The following METAP1D variants were observed in gnomAD, a reference collection of about 807,000 sequenced individuals.
The protein encoded by METAP1D is methionyl aminopeptidase type 1D, mitochondrial.
Under a neutral mutation model 40.5 loss-of-function variants are expected in METAP1D, and 31 were observed. The observed-to-expected ratio is 0.77, with a 90% CI of 0.58 to 1.03. The LOEUF (loss-of-function observed/expected upper bound fraction) is 1.03. Among genes scored for constraint, METAP1D ranks in the 50% least tolerant of loss-of-function variants. The pLI, the probability that METAP1D is intolerant of heterozygous loss-of-function variation, is 0.00. For synonymous variants in METAP1D, 151 were observed against 146.4 expected (o/e 1.03, Z -0.22); for missense variants, 411 against 420.7 (o/e 0.98, Z 0.20).
chr2:172,017,636 T>G (rs907611969), intron 1 of METAP1D, among the ~76,000 whole-genome samples: 5 of 151,398 alleles, frequency 3.3e-5, no homozygotes, highest in African/African-American at 4.8e-5. Context: ...TCATGGATAG[T>G]CTTCAAAGAT....
At chr2:172,076,497 A>G (rs1013570521) in intron 6 of METAP1D, among the ~76,000 whole-genome samples, 1 of 152,220 alleles carries the variant, frequency 6.6e-6, no homozygotes, top group African/African-American at 2.4e-5. Context: ...ATAAAGTACA[A>G]CGTAAGAGAT....
chr2:172,077,401 T>G (rs1332656316), intron 6 of METAP1D, among the ~76,000 whole-genome samples: 1 of 152,220 alleles, frequency 6.6e-6, no homozygotes, highest in Non-Finnish European at 1.5e-5. Flanking sequence ...TTTATAGTCT[T>G]TTTGTGAAAC....
chr2:172,040,412 A>G (rs976214281), intron 1 of METAP1D, among the ~76,000 whole-genome samples: 2 of 152,188 alleles, frequency 1.3e-5, no homozygotes, highest in African/African-American at 2.4e-5. Context: ...TGGCATAGTG[A>G]TTTTCTTCCA....
intron 1 of METAP1D, among the ~76,000 whole-genome samples, chr2:172,045,721 G>A (rs1307885215): frequency 1.1e-5 from 1 of 90,356 alleles, no homozygotes; most frequent in African/African-American, 3.6e-5. Context: ...GTGTGTGTGT[G>A]TGTGTGTGTG....
At chr2:172,021,797 C>T (rs1327013387) in intron 1 of METAP1D, 1 of 152,154 alleles carries the variant, frequency 6.6e-6, no homozygotes, top group African/African-American at 2.4e-5. Context: ...GGCCAAACTC[C>T]CATGCAGAAT....
At chr2:172,037,419 A>G (rs961749831) in intron 1 of METAP1D, among the ~76,000 whole-genome samples, 1 of 150,692 alleles carries the variant, frequency 6.6e-6, no homozygotes, top group Admixed American at 6.7e-5. Flanking sequence ...AGAAAAAAAA[A>G]TAGTAAAGCT....
intron 1 of METAP1D, among the ~76,000 whole-genome samples, chr2:172,050,406 A>G (rs984818975): frequency 1.3e-5 from 2 of 151,930 alleles, no homozygotes; most frequent in South Asian, 2.1e-4. Context: ...TTTTTTAAGA[A>G]TTAAAGAAGG....
intron 1 of METAP1D, among the ~76,000 whole-genome samples, chr2:172,001,015 A>G (rs1469928764): frequency 6.6e-6 from 1 of 152,180 alleles, no homozygotes; most frequent in Non-Finnish European, 1.5e-5. Flanking sequence ...AAACAAAAAC[A>G]AAAACCCAGT....
In METAP1D at chr2:172,080,801, G is replaced by A. The variant is rs705869; in HGVS notation, c.*395G>A. On this transcript the variant is annotated 3_prime_UTR_variant, in exon 10 of 10. Transcript: ENST00000315796. Reference sequence around the variant, plus strand: ...GGTCCTTACCTCTCTGACAGTTACAGTGATCTTTGTATCTGAACTTTGCAC... The same window carrying A: ...GGTCCTTACCTCTCTGACAGTTACAATGATCTTTGTATCTGAACTTTGCAC... The A allele has an allele frequency of 0.82, 209,586 of 254,292 alleles. 86,478 individuals are homozygous for A. Among genetic ancestry groups the A allele is most frequent in the East Asian group, 0.89 (8,742 of 9,818 alleles). The allele number at this position is 254,292 out of a possible 1,614,324, so 15.8% of individuals were successfully genotyped here. A position where few individuals can be genotyped will look rare whatever the true frequency, so the allele number is the denominator to read the frequency against.
chr2:172,063,897 G>A lies in METAP1D; in HGVS notation c.348+37G>A, dbSNP rs1377979182. 2.0e-6 allele frequency: 3 copies of A among 1,538,256 alleles called. No individual in the cohort carries two copies. In the East Asian group the frequency reaches 7.2e-5, roughly 37 times the overall value. On this transcript the variant is annotated intron_variant, in intron 3 of 9. Coordinates refer to ENST00000315796, the MANE Select transcript of METAP1D (RefSeq NM_199227.3). ...CCAAGCCTCAGAACGACTTACATAA[G>A]GGGCAACAAACACTCCTCTTTTTTT...
intron 6 of METAP1D, among the ~76,000 whole-genome samples, chr2:172,075,051 G>A (rs1451889351): frequency 2.6e-5 from 4 of 152,144 alleles, no homozygotes; most frequent in Non-Finnish European, 4.4e-5. Flanking sequence ...GAATTAAACT[G>A]AAGAAAATGG....
intron 1 of METAP1D, among the ~76,000 whole-genome samples, chr2:172,010,913 C>T (rs1287317359): frequency 6.6e-6 from 1 of 151,684 alleles, no homozygotes; most frequent in Non-Finnish European, 1.5e-5. Context: ...TGCCACCACA[C>T]CTGGCTAACT....
chr2:172,024,932 G>GA (rs1333904243), intron 1 of METAP1D, among the ~76,000 whole-genome samples: 3 of 152,180 alleles, frequency 2.0e-5, no homozygotes, highest in African/African-American at 7.2e-5. Flanking sequence ...CAAGATTTGA[G>GA]AGGCTCAGTG....
intron 1 of METAP1D, among the ~76,000 whole-genome samples, chr2:172,050,397 T>C (rs570243536): frequency 6.6e-6 from 1 of 152,194 alleles, no homozygotes; most frequent in East Asian, 1.9e-4. Context: ...TCTGGAGGTT[T>C]TTTTAAGAAT....
In METAP1D at chr2:172,077,796, G is replaced by T. The variant is rs530856668; in HGVS notation, c.705-1G>T. 6.4e-7 allele frequency: 1 copy of T among 1,562,462 alleles called. No individual in the cohort carries two copies. The highest frequency in any genetic ancestry group is 8.7e-7 in the Non-Finnish European group (1 of 1,146,232). On this transcript the variant is annotated splice_acceptor_variant, in intron 6 of 9. Transcript: ENST00000315796. LOFTEE classifies it high-confidence loss of function. The stretch of plus-strand genomic sequence containing the variant: ...TAAATATTTTTTGGTCACTTTTAAA[G>T]CCACATAACTCATCAGAATGGTTTT...
intron 2 of METAP1D, 44 bp downstream of exon 2, chr2:172,061,699 A>G (rs1374163544): frequency 6.6e-7 from 1 of 1,517,976 alleles, no homozygotes; most frequent in Non-Finnish European, 8.8e-7. Context: ...AGCCAAGATA[A>G]AAGTTGACTG....
At chr2:172,007,132 A>T (rs1688604748) in intron 1 of METAP1D, among the ~76,000 whole-genome samples, 1 of 136,338 alleles carries the variant, frequency 7.3e-6, no homozygotes, top group Non-Finnish European at 1.6e-5. Context: ...TTTATTGTAC[A>T]TTACGTTTTC....
intron 1 of METAP1D, 133 bp downstream of exon 1, chr2:172,000,142 C>T (rs928836038): frequency 7.0e-6 from 5 of 718,446 alleles, no homozygotes; most frequent in African/African-American, 1.8e-5. Flanking sequence ...TTTACGAACA[C>T]ACGCAGGCAC....
At chr2:172,072,707 T>C (rs1440028682) in intron 6 of METAP1D, among the ~76,000 whole-genome samples, 2 of 152,320 alleles carry the variant, frequency 1.3e-5, no homozygotes, top group South Asian at 2.1e-4. Context: ...CTCTGTACTT[T>C]CTTGTTAAAG....
Sources: gnomAD v4.1 joint callset for allele counts (sites outside exome capture counted in the v4.1 genomes callset) on GRCh38, gnomAD v4.1.1 for gene constraint, MANE v1.5 for transcripts, NCBI Gene and HGNC (gene_info 2026-07-23, HGNC 2026-07-21) for gene names.